MYRIP: variants seen among roughly 807,000 people sequenced by gnomAD.
The protein encoded by MYRIP is myosin VIIA and Rab interacting protein.
MYRIP carries 49 observed loss-of-function variants against 98.0 expected under a neutral mutation model. The observed-to-expected ratio is 0.50, with a 90% CI of 0.40 to 0.63. The LOEUF is 0.63. Among genes scored for constraint, MYRIP ranks in the 30% least tolerant of loss-of-function variants. The pLI, the probability that MYRIP is intolerant of heterozygous loss-of-function variation, is 0.00. For synonymous variants in MYRIP, 404 were observed against 409.5 expected (o/e 0.99, Z 0.16); for missense variants, 1,004 against 1,058.2 (o/e 0.95, Z 0.71).
At chr3:40,228,182 C>T (rs890476146) in intron 11 of MYRIP, among the ~76,000 whole-genome samples, 2 of 152,142 alleles carry the variant, frequency 1.3e-5, no homozygotes, top group East Asian at 1.9e-4. Context: ...CTCACCAGGC[C>T]GCAGCTGTCC....
chr3:40,229,674 T>TTC (rs779417785), intron 11 of MYRIP, among the ~76,000 whole-genome samples: 35 of 152,218 alleles, frequency 2.3e-4, no homozygotes, highest in Non-Finnish European at 4.6e-4. Context: ...ACCAGTGTGC[T>TTC]TCTCCTCATC....
rs1953674292 is a variant in MYRIP at position 40,258,540 on chromosome 3, G to T, written c.*374G>T. 2 of 216,306 alleles carry T rather than the reference G, an allele frequency of 9.2e-6. No homozygotes were observed. Among genetic ancestry groups the T allele is most frequent in the Admixed American group, 5.0e-5 (1 of 19,876 alleles). 13.4% of individuals were successfully genotyped at this position (216,306 alleles called of 1,614,324 possible). A position where few individuals can be genotyped will look rare whatever the true frequency, so the allele number is the denominator to read the frequency against. ...AGCTAGTATTCCATGTCAACAATTT[G>T]TCCAAAGGAAAACTGCTGGAGGGAG... is the stretch of plus-strand genomic sequence containing the variant. On this transcript the variant is annotated 3_prime_UTR_variant, in exon 17 of 17. Transcript: ENST00000302541.
intron 3 of MYRIP, among the ~76,000 whole-genome samples, chr3:40,068,057 G>A (rs895169805): frequency 1.3e-5 from 2 of 152,096 alleles, no homozygotes; most frequent in East Asian, 1.9e-4. Context: ...AACATTGGGC[G>A]TTTCTTCTCT....
At chr3:40,001,530 C>G (rs1319253475) in intron 2 of MYRIP, among the ~76,000 whole-genome samples, 2 of 152,178 alleles carry the variant, frequency 1.3e-5, no homozygotes, top group Admixed American at 1.3e-4. Context: ...AGGAATCATT[C>G]AAGTCTTTCA....
chr3:39,827,873 T>G lies in MYRIP; in HGVS notation c.-31+17957T>G, dbSNP rs1040404573. On this transcript the variant is annotated intron_variant, in intron 1 of 16. Transcript: ENST00000302541. ...CTTTGCCGAATATAATATTCTTGAT[T>G]GGCAGTTTTTTTTTCTTTCAGTACT... 8.7e-5 allele frequency among the ~76,000 whole-genome samples: 12 copies of G among 138,484 alleles called. 1 individual carries two copies. The highest frequency in any genetic ancestry group is 3.9e-3 in the Middle Eastern group (1 of 258). The allele number at this position is 138,484 out of a possible 152,430, so 90.9% of individuals were successfully genotyped here.
chr3:40,080,791 C>CTTTTTTTTTTTTTT (rs34610302), intron 3 of MYRIP, among the ~76,000 whole-genome samples: 2 of 93,850 alleles, frequency 2.1e-5, no homozygotes, highest in Non-Finnish European at 4.2e-5. Flanking sequence ...ATCCTAACTT[C>CTTTTTTTTTTTTTT]TTTTTTTTTT....
intron 3 of MYRIP, among the ~76,000 whole-genome samples, chr3:40,072,174 C>T (rs1407592259): frequency 6.6e-6 from 1 of 152,068 alleles, no homozygotes; most frequent in Non-Finnish European, 1.5e-5. Context: ...AAGTTTTAAC[C>T]TTTATTACTG....
intron 3 of MYRIP, among the ~76,000 whole-genome samples, chr3:40,050,696 AG>A (rs1173635395): frequency 2.6e-5 from 4 of 152,328 alleles, no homozygotes; most frequent in Non-Finnish European, 5.9e-5. Context: ...ATCTTGGCAA[AG>A]TAAATTGAAA....
intron 4 of MYRIP, among the ~76,000 whole-genome samples, chr3:40,153,877 C>T (rs775702299): frequency 6.6e-6 from 1 of 152,156 alleles, no homozygotes; most frequent in African/African-American, 2.4e-5. Flanking sequence ...CACAGTGGCT[C>T]TCGCCTGTAA....
intron 2 of MYRIP, among the ~76,000 whole-genome samples, chr3:39,983,510 T>C (rs949433808): frequency 6.6e-6 from 1 of 152,220 alleles, no homozygotes; most frequent in African/African-American, 2.4e-5. Context: ...AAATCCTCTC[T>C]TGGCACACTA....
rs1234518199 is a variant in MYRIP, at chr3:39,820,372, T to C, written c.-31+10456T>C. Among the ~76,000 whole-genome samples the C allele has an allele frequency of 2.6e-5, 3 of 115,892 alleles. No homozygotes were observed. The East Asian group carries it at 8.1e-4, about 31-fold the overall frequency. The allele number at this position is 115,892 out of a possible 152,430, so 76.0% of individuals were successfully genotyped here. A position where few individuals can be genotyped will look rare whatever the true frequency, so the allele number is the denominator to read the frequency against. ...GAAAAGAAAAATACCCAAGCCTCTT[T>C]ACATGATGGTTTTGTTTGTTTGTTT... On this transcript the variant is annotated intron_variant, in intron 1 of 16. Transcript: ENST00000302541.
At chr3:40,134,834 A>G (rs1209515019) in intron 3 of MYRIP, among the ~76,000 whole-genome samples, 1 of 152,218 alleles carries the variant, frequency 6.6e-6, no homozygotes, top group Non-Finnish European at 1.5e-5. Flanking sequence ...TGACTGTTAG[A>G]AGGAAAACTA....
intron 2 of MYRIP, among the ~76,000 whole-genome samples, chr3:39,994,240 C>A (rs1045831332): frequency 2.6e-5 from 4 of 152,246 alleles, no homozygotes; most frequent in African/African-American, 9.6e-5. Flanking sequence ...CAGGGCGAGG[C>A]ATCGCCTCAT....
intron 2 of MYRIP, among the ~76,000 whole-genome samples, chr3:39,959,548 G>A (rs7652111): frequency 0.044 from 6,729 of 151,894 alleles, 300 homozygotes; most frequent in South Asian, 0.16. Context: ...AGGGAGGGAT[G>A]GCATTAGGAG....
At chr3:40,137,304 G>C (rs965615497) in intron 3 of MYRIP, among the ~76,000 whole-genome samples, 1 of 152,106 alleles carries the variant, frequency 6.6e-6, no homozygotes, top group Admixed American at 6.5e-5. Context: ...TAAATTCCTC[G>C]ACACATACAG....
chr3:39,965,806 G>T (rs1261711633), intron 2 of MYRIP, among the ~76,000 whole-genome samples: 1 of 152,024 alleles, frequency 6.6e-6, no homozygotes, highest in Non-Finnish European at 1.5e-5. Flanking sequence ...AAATACCTGG[G>T]GAGTGTAGCC....
chr3:40,162,579 G>A, intron 4 of MYRIP, 151 bp from the exon 5 acceptor site: 1 of 610,156 alleles, frequency 1.6e-6, no homozygotes, highest in South Asian at 2.2e-5. Flanking sequence ...TAGCATTATT[G>A]TGGGACCTCA....
In MYRIP at chr3:39,971,703, T is replaced by C. The variant is rs147123363; in HGVS notation, c.110+70777T>C. Among the ~76,000 whole-genome samples, 118 of 152,192 alleles carry C rather than the reference T, an allele frequency of 7.8e-4. 1 individual carries two copies. Among genetic ancestry groups the C allele is most frequent in the African/African-American group, 2.6e-3 (110 of 41,568 alleles). ...CAAGAAATCACCTCATTATTCAGCC[T>C]TGGTCACATAATTAAATTTGAGTCT... On this transcript the variant is annotated intron_variant, in intron 2 of 16. Transcript: ENST00000302541.
intron 1 of MYRIP, among the ~76,000 whole-genome samples, chr3:39,859,939 C>G (rs548003883): frequency 1.3e-5 from 2 of 152,276 alleles, no homozygotes; most frequent in South Asian, 4.1e-4. Flanking sequence ...AGCTTTTTCT[C>G]TAAGCTCAGA....
Sources: gnomAD v4.1 joint callset for allele counts (sites outside exome capture counted in the v4.1 genomes callset) on GRCh38, gnomAD v4.1.1 for gene constraint, MANE v1.5 for transcripts, NCBI Gene and HGNC (gene_info 2026-07-23, HGNC 2026-07-21) for gene names.